Variants in CTNNA3 observed in about 807,000 individuals in gnomAD.
The protein encoded by CTNNA3 is catenin alpha-3.
In CTNNA3, 76 loss-of-function variants were observed where a neutral mutation model predicts 95.7. The observed-to-expected ratio is 0.79, with a 90% CI of 0.66 to 0.96. The LOEUF is 0.96. Among genes scored for constraint, CTNNA3 ranks in the 40% least tolerant of loss-of-function variants. CTNNA3 has a pLI of 0.00. For missense variants in CTNNA3, 1,191 were observed against 1,089.8 expected (o/e 1.09, Z -1.31); for synonymous variants, 431 against 374.4 (o/e 1.15, Z -1.74).
chr10:66,729,179 G>A (rs575575970), intron 9 of CTNNA3, among the ~76,000 whole-genome samples: 82 of 152,224 alleles, frequency 5.4e-4, no homozygotes, highest in South Asian at 3.5e-3. Context: ...GACATACATG[G>A]AGCCAACAAA....
intron 5 of CTNNA3, among the ~76,000 whole-genome samples, chr10:67,304,699 C>T (rs797019647): frequency 1.1e-4 from 17 of 152,048 alleles, no homozygotes; most frequent in African/African-American, 3.6e-4. Context: ...ACGTGTCTGA[C>T]GTTATGCTAG....
chr10:65,983,575 AT>A (rs1477411477), intron 16 of CTNNA3, among the ~76,000 whole-genome samples: 1 of 151,514 alleles, frequency 6.6e-6, no homozygotes, highest in Non-Finnish European at 1.5e-5. Context: ...ATTTTTAAGA[AT>A]TGTTATAGGT....
chr10:67,166,832 C>T (rs937443138), intron 7 of CTNNA3, among the ~76,000 whole-genome samples: 34 of 152,160 alleles, frequency 2.2e-4, no homozygotes, highest in African/African-American at 5.1e-4. Flanking sequence ...TCTGGCCGGG[C>T]GCGGTGGCTC....
chr10:66,248,361 G>C (rs1337899877), intron 13 of CTNNA3, among the ~76,000 whole-genome samples: 1 of 139,924 alleles, frequency 7.1e-6, no homozygotes, highest in Non-Finnish European at 1.6e-5. Context: ...AAAAAAAACA[G>C]AAAAAAAATA....
intron 5 of CTNNA3, among the ~76,000 whole-genome samples, chr10:67,246,939 TTTCA>T (rs1865930517): frequency 6.6e-6 from 1 of 152,222 alleles, no homozygotes. Context: ...TGAGTGGTAC[TTTCA>T]TTCTCATTTT....
At chr10:66,234,441 G>A (rs2089752800) in intron 13 of CTNNA3, among the ~76,000 whole-genome samples, 1 of 152,050 alleles carries the variant, frequency 6.6e-6, no homozygotes, top group Non-Finnish European at 1.5e-5. Flanking sequence ...AATATTGCTG[G>A]ATTCAAGATA....
intron 3 of CTNNA3, among the ~76,000 whole-genome samples, chr10:67,564,677 G>GTGTATATA (rs1488656262): frequency 3.3e-4 from 20 of 61,308 alleles, no homozygotes; most frequent in Middle Eastern, 0.01. Flanking sequence ...GTGTGTGTGT[G>GTGTATATA]TATATATATA....
chr10:67,653,419 A>G (rs1839932694), intron 1 of CTNNA3, among the ~76,000 whole-genome samples: 1 of 152,072 alleles, frequency 6.6e-6, no homozygotes, highest in Admixed American at 6.5e-5. Context: ...TTTAATTCAT[A>G]TTCTTTCAAA....
chr10:65,996,006 G>A (rs1398303116), intron 15 of CTNNA3, among the ~76,000 whole-genome samples: 1 of 152,172 alleles, frequency 6.6e-6, no homozygotes, highest in Admixed American at 6.5e-5. Flanking sequence ...GTGCTGGGTG[G>A]TGGCAGCAAT....
intron 2 of CTNNA3, among the ~76,000 whole-genome samples, chr10:67,644,785 T>G (rs1273577875): frequency 6.7e-6 from 1 of 149,906 alleles, no homozygotes; most frequent in African/African-American, 2.5e-5. Flanking sequence ...TTAATATCAC[T>G]TGAGTATTGC....
intron 7 of CTNNA3, among the ~76,000 whole-genome samples, chr10:66,870,161 T>G (rs929037341): frequency 1.3e-5 from 2 of 152,130 alleles, no homozygotes; most frequent in Admixed American, 6.5e-5. Context: ...AACTTCATTA[T>G]ATGAACATTT....
At chr10:67,467,612 ATG>A (rs1296806252) in intron 5 of CTNNA3, among the ~76,000 whole-genome samples, 3 of 152,166 alleles carry the variant, frequency 2.0e-5, no homozygotes, top group African/African-American at 7.2e-5. Flanking sequence ...CTTAGAGAAC[ATG>A]TGTTTAAAAA....
At chr10:67,274,245 A>G (rs984113655) in intron 5 of CTNNA3, among the ~76,000 whole-genome samples, 10 of 152,198 alleles carry the variant, frequency 6.6e-5, no homozygotes, top group African/African-American at 9.6e-5. Context: ...AAGAAGAGTT[A>G]CAAAGCAGAT....
At chr10:66,293,667 C>CT (rs11374911) in intron 12 of CTNNA3, among the ~76,000 whole-genome samples, 8,795 of 138,314 alleles carry the variant, frequency 0.064, 780 homozygotes, top group African/African-American at 0.2. Context: ...TTTTTTCTTT[C>CT]TTTTTTTTTT....
At chr10:66,932,373 T>C (rs1161046863) in intron 7 of CTNNA3, among the ~76,000 whole-genome samples, 1 of 152,128 alleles carries the variant, frequency 6.6e-6, no homozygotes, top group Non-Finnish European at 1.5e-5. Context: ...GAAACAAGCA[T>C]CAGGTCATGA....
chr10:66,414,744 C>A (rs61867353), intron 11 of CTNNA3, among the ~76,000 whole-genome samples: 1 of 151,914 alleles, frequency 6.6e-6, no homozygotes, highest in Non-Finnish European at 1.5e-5. Context: ...AGGGCTTAGG[C>A]ACAAGTGACC....
At chr10:67,648,482 C>A (rs1383910046) in intron 1 of CTNNA3, among the ~76,000 whole-genome samples, 1 of 152,178 alleles carries the variant, frequency 6.6e-6, no homozygotes, top group Non-Finnish European at 1.5e-5. Context: ...CTGCCCAGGG[C>A]CCCATTTGCC....
At chr10:66,993,592 T>C (rs1427608069) in intron 7 of CTNNA3, among the ~76,000 whole-genome samples, 1 of 151,964 alleles carries the variant, frequency 6.6e-6, no homozygotes, top group Non-Finnish European at 1.5e-5. Context: ...TCTGGTTCCA[T>C]CCAAATTTTA....
Position 65,946,769 on chromosome 10 carries a change from G to C in CTNNA3, c.2400+19843C>G, listed in dbSNP as rs754994122. 3.9e-5 allele frequency among the ~76,000 whole-genome samples: 6 copies of C among 152,072 alleles called. No homozygotes were observed. In the South Asian group the frequency reaches 8.3e-4, roughly 21 times the overall value. On this transcript the variant is annotated intron_variant, in intron 17 of 17. Transcript: ENST00000433211. The stretch of plus-strand genomic sequence containing the variant: ...TTCTGTACTGCTCCTAAACATTTCT[G>C]TAAATATAATGGGCTGTTGTACCCT...
Sources: gnomAD v4.1 joint callset for allele counts (sites outside exome capture counted in the v4.1 genomes callset) on GRCh38, gnomAD v4.1.1 for gene constraint, MANE v1.5 for transcripts, NCBI Gene and HGNC (gene_info 2026-07-23, HGNC 2026-07-21) for gene names.